The following LRRC74A variants were observed in gnomAD, a reference collection of about 807,000 sequenced individuals.
The protein encoded by LRRC74A is leucine-rich repeat-containing protein 74A.
LRRC74A carries 44 observed loss-of-function variants against 57.9 expected under a neutral mutation model. The ratio of observed to expected loss-of-function variants is 0.76; its 90% CI spans 0.60 to 0.98. LRRC74A has a LOEUF of 0.98. LRRC74A is among the 50% of genes least tolerant of loss of function. The pLI is 0.00. For synonymous variants in LRRC74A, 211 were observed against 219.4 expected (o/e 0.96, Z 0.34); for missense variants, 572 against 574.0 (o/e 1.00, Z 0.04).
At chr14:76,837,455 C>A (rs535089585) in intron 4 of LRRC74A, among the ~76,000 whole-genome samples, 1 of 152,282 alleles carries the variant, frequency 6.6e-6, no homozygotes, top group East Asian at 1.9e-4. Context: ...TTCATACTTC[C>A]CAAATCAATG....
intron 9 of LRRC74A, among the ~76,000 whole-genome samples, chr14:76,856,903 A>G (rs1023664798): frequency 6.0e-5 from 9 of 149,252 alleles, no homozygotes; most frequent in African/African-American, 2.0e-4. Flanking sequence ...AGTGAGATGG[A>G]TAGATGGGTG....
chr14:76,841,167 G>A (rs891780887), intron 5 of LRRC74A, among the ~76,000 whole-genome samples: 4 of 151,984 alleles, frequency 2.6e-5, no homozygotes, highest in African/African-American at 9.7e-5. Flanking sequence ...TCAGCCTCCC[G>A]AGTAGCTGGA....
At position 76,857,939 on chromosome 14, in the gene LRRC74A, T is replaced by C. The variant is rs1239253978; in HGVS notation, c.1053+464T>C. Among the ~76,000 whole-genome samples, 5 of 152,232 alleles carry C rather than the reference T, an allele frequency of 3.3e-5. 1 individual carries two copies. The South Asian group carries it at 6.2e-4, about 19-fold the overall frequency. On this transcript the variant is annotated intron_variant, in intron 10 of 13. Transcript: ENST00000689127. Reference sequence around the variant, plus strand: ...AGCAGTATTTCTGGGTGAAAATCTCTTGATAAAGGAGGAAAGCCCCAGGAG... The same window carrying C: ...AGCAGTATTTCTGGGTGAAAATCTCCTGATAAAGGAGGAAAGCCCCAGGAG...
Position 76,860,739 on chromosome 14 carries a change from A to G in LRRC74A, c.1100A>G (p.Tyr367Cys). 6.2e-7 allele frequency: 1 copy of G among 1,612,432 alleles called. No homozygotes were observed. Among genetic ancestry groups the G allele is most frequent in the Non-Finnish European group, 8.5e-7 (1 of 1,178,734 alleles). The change falls in exon 11 of 14, where the codon TAT becomes TGT. Residue 367 changes from tyrosine to cysteine, a missense_variant. Physicochemically the swap from Tyr to Cys is radical, Grantham distance 194. Transcript: ENST00000689127. ...EQFMKTLDGV[Y>C]AVHPQLDVVF... ...TTCATGAAAACGTTGGACGGAGTGT[A>G]TGCCGTTCACCCGCAGCTGGACGTG...
At chr14:76,853,076 A>C (rs1172988519) in intron 8 of LRRC74A, 140 bp from the exon 9 acceptor site, 2 of 727,922 alleles carry the variant, frequency 2.7e-6, no homozygotes, top group African/African-American at 1.8e-5. Context: ...GGAGCTCTGA[A>C]TGATCTGGCA....
intron 9 of LRRC74A, among the ~76,000 whole-genome samples, chr14:76,856,767 G>C (rs1199554775): frequency 6.7e-6 from 1 of 150,220 alleles, no homozygotes. Flanking sequence ...TGGATGGATG[G>C]ATGAGCAGTG....
At chr14:76,830,694 T>A (rs1895909786) in intron 2 of LRRC74A, among the ~76,000 whole-genome samples, 1 of 152,270 alleles carries the variant, frequency 6.6e-6, no homozygotes, top group South Asian at 2.1e-4. Context: ...CTGTCCTAGT[T>A]GGGCTTTTTA....
At chr14:76,859,738 T>C (rs970945986) in intron 10 of LRRC74A, among the ~76,000 whole-genome samples, 11 of 142,890 alleles carry the variant, frequency 7.7e-5, no homozygotes, top group Non-Finnish European at 1.5e-4. Flanking sequence ...TGCAATGGCA[T>C]AGTCTCGGCT....
At chr14:76,831,809 T>C (rs776345248) in intron 3 of LRRC74A, among the ~76,000 whole-genome samples, 5 of 152,180 alleles carry the variant, frequency 3.3e-5, no homozygotes, top group Non-Finnish European at 7.3e-5. Flanking sequence ...TGTGCAACAT[T>C]ATATTTCATA....
Position 76,831,123 on chromosome 14 carries a change from G to T in LRRC74A, c.167-80G>T, listed in dbSNP as rs1053750764. ...CTCTGGCAGAGGACAGTCTAGACAT[G>T]AGTGAATGTCACTGGGGCTAGAGGG... On this transcript the variant is annotated intron_variant, in intron 2 of 13. Transcript: ENST00000689127. 5.0e-6 allele frequency: 7 copies of T among 1,406,584 alleles called. No homozygotes were observed. In the Admixed American group the frequency reaches 7.4e-5, roughly 15 times the overall value. 87.1% of individuals were successfully genotyped at this position (1,406,584 alleles called of 1,614,324 possible).
chr14:76,827,941 G>A (rs1161856407), intron 1 of LRRC74A, among the ~76,000 whole-genome samples: 1 of 152,126 alleles, frequency 6.6e-6, no homozygotes, highest in Non-Finnish European at 1.5e-5. Context: ...CCTTTCACCT[G>A]AAAGAGTAAC....
At chr14:76,835,562 C>A (rs1896268939) in intron 3 of LRRC74A, among the ~76,000 whole-genome samples, 1 of 151,764 alleles carries the variant, frequency 6.6e-6, no homozygotes, top group South Asian at 2.1e-4. Context: ...CAATTCCTTC[C>A]AAACAGACTT....
At chr14:76,853,772 A>G (rs1046361091) in intron 9 of LRRC74A, among the ~76,000 whole-genome samples, 14 of 151,610 alleles carry the variant, frequency 9.2e-5, no homozygotes, top group African/African-American at 3.4e-4. Context: ...TTTTGTTTTG[A>G]GACAGGGTCT....
intron 7 of LRRC74A, among the ~76,000 whole-genome samples, chr14:76,850,861 A>AAAAAAAAAAG (rs773711469): frequency 1.8e-4 from 17 of 96,548 alleles, no homozygotes; most frequent in East Asian, 5.8e-4. Context: ...AAAAAAAAAA[A>AAAAAAAAAAG]AAAGAAAGAA....
chr14:76,844,292 T>G, intron 5 of LRRC74A, 131 bp from the exon 6 acceptor site: 1 of 807,854 alleles, frequency 1.2e-6, no homozygotes, highest in Non-Finnish European at 2.0e-6. Flanking sequence ...CGTAAGCCAA[T>G]GCGTCTGGCC....
intron 7 of LRRC74A, 36 bp downstream of exon 7, chr14:76,844,937 G>A (rs1189351656): frequency 9.2e-7 from 1 of 1,091,348 alleles, no homozygotes; most frequent in Non-Finnish European, 1.4e-6. Context: ...GCAAAGGGGA[G>A]GGATAGGGAA....
chr14:76,830,756 C>T (rs1895913471), intron 2 of LRRC74A, among the ~76,000 whole-genome samples: 1 of 152,204 alleles, frequency 6.6e-6, no homozygotes, highest in African/African-American at 2.4e-5. Context: ...TGACTCACAA[C>T]CTTGTGATAG....
rs755244062 is a variant in LRRC74A at position 76,826,562 on chromosome 14, G to A, written c.-136G>A. On this transcript the variant is annotated 5_prime_UTR_variant, in exon 1 of 14. Transcript: ENST00000689127. ...TTGCTGGGAGGGAAGGATAACTGCAGGCTCCCCTGGGATGCCCCCAGGTGA... is the reference window on the plus strand; with the variant it reads ...TTGCTGGGAGGGAAGGATAACTGCAAGCTCCCCTGGGATGCCCCCAGGTGA... 3 of 1,612,556 alleles carry A rather than the reference G, an allele frequency of 1.9e-6. No homozygotes were observed. In the Admixed American group the frequency reaches 5.0e-5, roughly 27 times the overall value.
At chr14:76,830,874 A>G (rs1566714940) in intron 2 of LRRC74A, among the ~76,000 whole-genome samples, 1 of 152,244 alleles carries the variant, frequency 6.6e-6, no homozygotes, top group African/African-American at 2.4e-5. Context: ...TGGGCCTTCT[A>G]TGTCCTTGAT....
Sources: allele counts gnomAD v4.1 joint callset (sites outside exome capture counted in the v4.1 genomes callset), GRCh38; gene constraint gnomAD v4.1.1; transcripts MANE v1.5; gene names NCBI Gene and HGNC (gene_info 2026-07-23, HGNC 2026-07-21).